Variants in KIF21A observed in about 807,000 individuals in gnomAD.
KIF21A encodes the protein kinesin-like protein KIF21A.
In KIF21A, 114 loss-of-function variants were observed where a neutral mutation model predicts 202.9. The ratio of observed to expected loss-of-function variants is 0.56; its 90% confidence interval spans 0.48 to 0.66. KIF21A has a LOEUF of 0.66. Ranked by LOEUF, KIF21A falls within the 30% of genes least tolerant of loss-of-function variation. The pLI, the probability that KIF21A is intolerant of heterozygous loss-of-function variation, is 0.00. For synonymous variants in KIF21A, 667 were observed against 670.8 expected, an observed-to-expected ratio of 0.99 and a Z score of 0.09; for missense variants, 1,677 against 1,994.9, an observed-to-expected ratio of 0.84 and a Z score of 3.04.
At chr12:39,349,169 T>G (rs1948154925) in intron 11 of KIF21A, among the ~76,000 whole-genome samples, 1 of 151,962 alleles carries the variant, frequency 6.6e-6, no homozygotes, top group South Asian at 2.1e-4. Flanking sequence ...CCCCAAAGAT[T>G]GGCCTACACC....
chr12:39,411,566 A>T (rs1953081399), intron 1 of KIF21A, among the ~76,000 whole-genome samples: 1 of 152,160 alleles, frequency 6.6e-6, no homozygotes, highest in Non-Finnish European at 1.5e-5. Flanking sequence ...TTCCTCTGTC[A>T]CCCCAGCTAG....
At chr12:39,427,167 C>T (rs1175527385) in intron 1 of KIF21A, among the ~76,000 whole-genome samples, 3 of 152,008 alleles carry the variant, frequency 2.0e-5, no homozygotes, top group South Asian at 2.1e-4. Context: ...AACTAATAAA[C>T]GGAACTGAAC....
At chr12:39,386,003 T>C (rs1285201246) in intron 1 of KIF21A, among the ~76,000 whole-genome samples, 2 of 152,178 alleles carry the variant, frequency 1.3e-5, no homozygotes, top group Non-Finnish European at 2.9e-5. Flanking sequence ...GGCTTTCTGT[T>C]TATTTGTTCT....
At chr12:39,432,609 G>A (rs1033998154) in intron 1 of KIF21A, among the ~76,000 whole-genome samples, 1 of 151,342 alleles carries the variant, frequency 6.6e-6, no homozygotes, top group Non-Finnish European at 1.5e-5. Flanking sequence ...TATAAAGATG[G>A]ACAAATTCTT....
At chr12:39,354,596 A>G (rs1241977201) in intron 10 of KIF21A, among the ~76,000 whole-genome samples, 1 of 152,188 alleles carries the variant, frequency 6.6e-6, no homozygotes, top group Non-Finnish European at 1.5e-5. Context: ...ACTACTATTC[A>G]TTTACAATAA....
chr12:39,355,707 TTATATATATATATATATA>T (rs10580436), intron 10 of KIF21A, among the ~76,000 whole-genome samples: 1 of 101,240 alleles, frequency 9.9e-6, no homozygotes, highest in African/African-American at 4.9e-5. Flanking sequence ...GCATGAACAA[TTATATATATATATATATA>T]TATATATATG....
intron 11 of KIF21A, among the ~76,000 whole-genome samples, chr12:39,348,248 T>A (rs1466570120): frequency 1.3e-5 from 2 of 152,060 alleles, no homozygotes; most frequent in Non-Finnish European, 2.9e-5. Context: ...CTTCACTTAG[T>A]TCCCCTACAA....
At position 39,311,371 on chromosome 12, in the gene KIF21A, T is replaced by TA. The variant is rs146348744; in HGVS notation, c.4096+45_4096+46insT. On this transcript the variant is annotated intron_variant, in intron 32 of 37. Coordinates refer to ENST00000361418, the MANE Select transcript of KIF21A (RefSeq NM_001173464.2). ...GAATATGTTAAAAATGTAATTTTTTTTAAAAAAAAAGCTATTAAATATCTG... is the reference window on the plus strand; with the variant it reads ...GAATATGTTAAAAATGTAATTTTTTTATAAAAAAAAAGCTATTAAATATCTG... 4.5e-4 allele frequency: 696 copies of TA among 1,545,070 alleles called. 2 individuals are homozygous for TA. In the African/African-American group the frequency reaches 6.7e-3, roughly 15 times the overall value.
intron 3 of KIF21A, among the ~76,000 whole-genome samples, chr12:39,368,246 C>T (rs1475102334): frequency 2.0e-5 from 3 of 152,088 alleles, no homozygotes; most frequent in Admixed American, 6.6e-5. Flanking sequence ...CAGTAAGTGA[C>T]TTAATCATGA....
intron 1 of KIF21A, among the ~76,000 whole-genome samples, chr12:39,394,663 G>C (rs926632014): frequency 3.0e-4 from 46 of 151,702 alleles, no homozygotes; most frequent in Non-Finnish European, 6.3e-4. Context: ...AAGAGCTCCC[G>C]CACTGGAGTC....
rs771426838 is a variant in KIF21A, at chr12:39,337,104, T to C, written c.2410A>G (p.Lys804Glu). 4 of 1,596,118 alleles carry C rather than the reference T, an allele frequency of 2.5e-6. No homozygotes were observed. Among genetic ancestry groups the C allele is most frequent in the Middle Eastern group, 1.7e-4 (1 of 6,026 alleles). Residue 804 changes from lysine to glutamate, a missense_variant, in exon 17 of 38, where the codon AAA (lysine) becomes GAA (glutamate). By Grantham distance (56) the Lys-to-Glu change is moderately conservative (BLOSUM62 1). Around this residue, in one of 3 missense-constraint regions of KIF21A, gnomAD observed 966 missense variants for 1,180.9 expected, o/e 0.82. Coordinates refer to ENST00000361418, the MANE Select transcript of KIF21A (RefSeq NM_001173464.2). ...AGTTAAAATCCACTTACATCTCTTT[T>C]ACGTTGATCCTTTTTCAACTGAGCA... is the stretch of plus-strand genomic sequence containing the variant. ...EIAQLKKDQR[K>E]RDHQLRLLEA...
intron 17 of KIF21A, among the ~76,000 whole-genome samples, chr12:39,333,569 C>T (rs766459390): frequency 9.2e-5 from 14 of 152,074 alleles, no homozygotes; most frequent in Non-Finnish European, 1.5e-4. Context: ...TTTCTAAATG[C>T]TTTACAAATG....
At chr12:39,434,394 C>T (rs760123238) in intron 1 of KIF21A, among the ~76,000 whole-genome samples, 5 of 152,140 alleles carry the variant, frequency 3.3e-5, no homozygotes, top group Non-Finnish European at 5.9e-5. Context: ...GATTAGTTTC[C>T]GACACATGAT....
In KIF21A at chr12:39,340,392, G is replaced by GT. The variant is rs141527814; in HGVS notation, c.2111-29dup. 4.6e-6 allele frequency: 7 copies of GT among 1,524,458 alleles called. No homozygotes were observed. In the South Asian group the frequency reaches 5.8e-5, roughly 13 times the overall value. The allele number at this position is 1,524,458 out of a possible 1,614,324, so 94.4% of individuals were successfully genotyped here. A position where few individuals can be genotyped will look rare whatever the true frequency, so the allele number is the denominator to read the frequency against. On this transcript the variant is annotated intron_variant, in intron 15 of 37. Transcript: ENST00000361418. ...AAATGACCAGAGGACATTTTTATAT[G>GT]TTTTTTTGTGAGACACAGATTTTTA...
intron 1 of KIF21A, among the ~76,000 whole-genome samples, chr12:39,416,659 G>GTGTA (rs1310225629): frequency 1.8e-5 from 2 of 111,052 alleles, no homozygotes; most frequent in African/African-American, 3.5e-5. Context: ...ATATATATGT[G>GTGTA]TATATATATA....
At position 39,337,115 on chromosome 12, in the gene KIF21A, T is replaced by C; in HGVS notation, c.2399A>G (p.Lys800Arg). Residue 800 changes from lysine to arginine, a missense_variant, in exon 17 of 38, where the codon AAG becomes AGG. Coordinates refer to ENST00000361418, the MANE Select transcript of KIF21A (RefSeq NM_001173464.2). The stretch of plus-strand genomic sequence containing the variant: ...ACTTACATCTCTTTTACGTTGATCC[T>C]TTTTCAACTGAGCAATCTCTCTGTT... ...RRNREIAQLK[K>R]DQRKRDHQLR... 2 of 1,599,306 alleles carry C rather than the reference T, an allele frequency of 1.3e-6. No homozygotes were observed. Among genetic ancestry groups the C allele is most frequent in the Non-Finnish European group, 1.7e-6 (2 of 1,168,138 alleles).
At chr12:39,434,184 C>T (rs762050299) in intron 1 of KIF21A, among the ~76,000 whole-genome samples, 2 of 152,208 alleles carry the variant, frequency 1.3e-5, no homozygotes, top group Non-Finnish European at 2.9e-5. Flanking sequence ...GTCTTTCTTG[C>T]TGCCTCATCC....
chr12:39,416,653 ATATGTG>A (rs1245425616), intron 1 of KIF21A, among the ~76,000 whole-genome samples: 2 of 133,244 alleles, frequency 1.5e-5, no homozygotes, highest in East Asian at 2.0e-4. Context: ...ATGTACATAT[ATATGTG>A]TATATATATA....
chr12:39,340,803 AG>A (rs1947375826), intron 15 of KIF21A, 102 bp downstream of exon 15: 2 of 793,444 alleles, frequency 2.5e-6, no homozygotes, highest in South Asian at 3.4e-5. Flanking sequence ...ATAACAAAAA[AG>A]GGTTTAATAC....
Sources: allele counts gnomAD v4.1 joint callset (sites outside exome capture counted in the v4.1 genomes callset), GRCh38; gene constraint gnomAD v4.1.1; regional missense constraint gnomAD v4.1.1; transcripts MANE v1.5; gene names NCBI Gene and HGNC (gene_info 2026-07-23, HGNC 2026-07-21).